The following PRRG1 variants were observed in gnomAD, a reference collection of about 807,000 sequenced individuals.
PRRG1 encodes proline rich and Gla domain 1.
In PRRG1, 5 loss-of-function variants were observed where a neutral mutation model predicts 11.8. The observed-to-expected ratio is 0.42, with a 90% CI of 0.22 to 0.89. PRRG1 has a LOEUF of 0.89. Ranked by LOEUF, PRRG1 falls within the 40% of genes least tolerant of loss-of-function variation. PRRG1 has a pLI of 0.28. For synonymous variants in PRRG1, 66 were observed against 60.4 expected (o/e 1.09, Z -0.43); for missense variants, 155 against 166.1 (o/e 0.93, Z 0.37).
chrX:37,409,765 G>A (rs782435588), intron 2 of PRRG1, among the ~76,000 whole-genome samples: 3 of 111,790 alleles, frequency 2.7e-5, no homozygotes, highest in East Asian at 2.8e-4. Flanking sequence ...TCTCACAAAC[G>A]TAGCCCAGTG....
At chrX:37,431,727 A>C (rs1344414807) in intron 3 of PRRG1, among the ~76,000 whole-genome samples, 1 of 111,494 alleles carries the variant, frequency 9.0e-6, no homozygotes, top group Non-Finnish European at 1.9e-5. Flanking sequence ...GTATTGATTA[A>C]GTTTTATCAT....
At chrX:37,401,511 A>C (rs1489906509) in intron 1 of PRRG1, among the ~76,000 whole-genome samples, 2,217 of 109,910 alleles carry the variant, frequency 0.02, 16 homozygotes, top group Non-Finnish European at 0.034. Context: ...ATCTATGACA[A>C]ACCCACAGCC....
intron 2 of PRRG1, among the ~76,000 whole-genome samples, chrX:37,412,248 T>C (rs1363217516): frequency 9.0e-6 from 1 of 111,582 alleles, no homozygotes; most frequent in South Asian, 3.8e-4. Context: ...CTCAAACATA[T>C]CCCCCTAGTT....
chrX:37,402,133 T>C (rs1375969941), intron 1 of PRRG1, among the ~76,000 whole-genome samples: 3 of 111,472 alleles, frequency 2.7e-5, no homozygotes, highest in Admixed American at 9.5e-5. Flanking sequence ...TGGAAAAAAC[T>C]ACTTTAAAGT....
chrX:37,364,553 G>C (rs1177930344), intron 1 of PRRG1, among the ~76,000 whole-genome samples: 1 of 111,631 alleles, frequency 9.0e-6, no homozygotes, highest in African/African-American at 3.3e-5. Flanking sequence ...AATTTTTATT[G>C]TGGTTTCATG....
intron 3 of PRRG1, among the ~76,000 whole-genome samples, chrX:37,438,915 C>T (rs1036627556): frequency 8.9e-5 from 10 of 111,757 alleles, no homozygotes; most frequent in Non-Finnish European, 1.1e-4. Flanking sequence ...TCCTTAATAA[C>T]GGGGTTTCAC....
intron 1 of PRRG1, among the ~76,000 whole-genome samples, chrX:37,387,581 G>C (rs1303226502): frequency 9.0e-6 from 1 of 111,046 alleles, no homozygotes; most frequent in African/African-American, 3.3e-5. Context: ...TAAACAATCA[G>C]ATCTCGGGAG....
chrX:37,448,549 A>G (rs1921003504), intron 3 of PRRG1, among the ~76,000 whole-genome samples: 1 of 111,621 alleles, frequency 9.0e-6, no homozygotes, highest in South Asian at 3.8e-4. Context: ...ATTCCATCTA[A>G]ATTACTAGAA....
intron 2 of PRRG1, among the ~76,000 whole-genome samples, chrX:37,422,130 G>A (rs1251318718): frequency 8.9e-6 from 1 of 112,021 alleles, no homozygotes; most frequent in Non-Finnish European, 1.9e-5. Context: ...GGTTACTGGA[G>A]TCAGTGGCTT....
intron 2 of PRRG1, among the ~76,000 whole-genome samples, chrX:37,417,115 CT>C (rs1189526139): frequency 2.0e-4 from 22 of 111,541 alleles, no homozygotes; most frequent in African/African-American, 7.1e-4. Flanking sequence ...ATTATCCACA[CT>C]TTTTCCAGGA....
intron 1 of PRRG1, among the ~76,000 whole-genome samples, chrX:37,359,054 A>G (rs1930332733): frequency 8.9e-6 from 1 of 112,259 alleles, no homozygotes; most frequent in Non-Finnish European, 1.9e-5. Flanking sequence ...ATTTTTCTAC[A>G]TAGACAATCA....
At chrX:37,402,122 T>C (rs1222350500) in intron 1 of PRRG1, among the ~76,000 whole-genome samples, 1 of 111,331 alleles carries the variant, frequency 9.0e-6, no homozygotes, top group Non-Finnish European at 1.9e-5. Flanking sequence ...CTTCACAGAA[T>C]TGGAAAAAAC....
rs782570030 is a variant in PRRG1 at position 37,453,221 on chromosome X, C to T, written c.257C>T (p.Pro86Leu). ...SDWFQFYLTFPLIFGLFIILL... is the reference protein window; with the variant it reads ...SDWFQFYLTFLLIFGLFIILL... ...TGGTTTCAGTTTTACCTTACCTTTC[C>T]GTTAATCTTTGGCCTCTTCATTATC... The change falls in exon 4 of 4, where the codon CCG becomes CTG. Residue 86 changes from proline (P) to leucine (L), a missense_variant. Physicochemically the swap from Pro to Leu is moderately conservative, Grantham distance 98. Coordinates refer to ENST00000378628, the MANE Select transcript of PRRG1 (RefSeq NM_001142395.2). 6.8e-5 allele frequency: 82 copies of T among 1,208,507 alleles called. No individual in the cohort carries two copies. The East Asian group carries it at 2.3e-3, about 34-fold the overall frequency.
intron 1 of PRRG1, among the ~76,000 whole-genome samples, chrX:37,394,035 A>G (rs1225662417): frequency 1.8e-5 from 2 of 112,215 alleles, no homozygotes; most frequent in Non-Finnish European, 3.8e-5. Flanking sequence ...AGATCCTCCT[A>G]TTTACTATGC....
chrX:37,380,680 G>A (rs1556373561), intron 1 of PRRG1, among the ~76,000 whole-genome samples: 1 of 110,838 alleles, frequency 9.0e-6, no homozygotes, highest in Non-Finnish European at 1.9e-5. Context: ...TGTAACTAGG[G>A]GAAAGAAGGA....
intron 3 of PRRG1, chrX:37,441,286 A>G (rs1393868487): frequency 5.3e-6 from 4 of 759,129 alleles, no homozygotes; most frequent in African/African-American, 4.6e-5. Context: ...TAGAAATGTT[A>G]CTGCAAAACT....
intron 1 of PRRG1, among the ~76,000 whole-genome samples, chrX:37,403,178 C>G (rs1298613571): frequency 9.1e-6 from 1 of 109,704 alleles, no homozygotes; most frequent in African/African-American, 3.3e-5. Flanking sequence ...GACACATGCA[C>G]ACGTATGTTT....
chrX:37,453,357 A>AC lies in PRRG1; in HGVS notation c.401dup (p.Pro135ThrfsTer3), dbSNP rs781858060. 109 of 1,177,269 alleles carry AC rather than the reference A, an allele frequency of 9.3e-5. No homozygotes were observed. The highest frequency in any genetic ancestry group is 2.5e-4 in the Admixed American group (11 of 43,710). On this transcript the variant is annotated frameshift_variant, in exon 4 of 4. Coordinates refer to ENST00000378628, the MANE Select transcript of PRRG1 (RefSeq NM_001142395.2). LOFTEE classifies it high-confidence loss of function. ...CTCAGCACCTTAATATTATCACCCCACCCCCCCCACCAGATGAAGTGTTTG... is the reference window on the plus strand; with the variant it reads ...CTCAGCACCTTAATATTATCACCCCACCCCCCCCCACCAGATGAAGTGTTTG...
At chrX:37,439,793 CTTTTTT>C (rs36010783) in intron 3 of PRRG1, among the ~76,000 whole-genome samples, 24 of 74,015 alleles carry the variant, frequency 3.2e-4, no homozygotes, top group African/African-American at 1.4e-3. Context: ...CTTTAAAATT[CTTTTTT>C]TTTTTTTTTT....
Sources: gnomAD v4.1 joint callset for allele counts (sites outside exome capture counted in the v4.1 genomes callset) on GRCh38, gnomAD v4.1.1 for gene constraint, MANE v1.5 for transcripts, NCBI Gene and HGNC (gene_info 2026-07-23, HGNC 2026-07-21) for gene names.